CASK: variants seen among roughly 807,000 people sequenced by gnomAD.
CASK encodes the protein peripheral plasma membrane protein CASK.
In CASK, 4 loss-of-function variants were observed where a neutral mutation model predicts 82.9. The observed-to-expected ratio is 0.05, with a 90% CI of 0.02 to 0.11. The LOEUF (loss-of-function observed/expected upper bound fraction) is 0.11, where lower values mean the gene tolerates loss of function less well. CASK is among the 10% of genes least tolerant of loss of function. The probability of loss-of-function intolerance (pLI) is 1.00; values close to 1 mark genes in which losing one functional copy is unlikely to be tolerated. For missense variants in CASK, 358 were observed against 720.9 expected (o/e 0.50, Z 5.76); for synonymous variants, 259 against 253.5 (o/e 1.02, Z -0.20).
At chrX:41,604,843 C>T (rs1050543027) in intron 12 of CASK, among the ~76,000 whole-genome samples, 1 of 112,238 alleles carries the variant, frequency 8.9e-6, no homozygotes, top group Non-Finnish European at 1.9e-5. Context: ...ACTTGGATAG[C>T]AAATATTTAG....
At chrX:41,854,207 C>CGCGCGTGCGG (rs1569469323) in intron 1 of CASK, among the ~76,000 whole-genome samples, 5 of 96,912 alleles carry the variant, frequency 5.2e-5, no homozygotes, top group African/African-American at 1.9e-4. Flanking sequence ...GGAACATGCG[C>CGCGCGTGCGG]GCGCGCGCGG....
chrX:41,813,486 T>TTA (rs1569457149), intron 2 of CASK, among the ~76,000 whole-genome samples: 1 of 111,315 alleles, frequency 9.0e-6, no homozygotes, highest in Admixed American at 9.5e-5. Flanking sequence ...AAACAAGAAA[T>TTA]AGGGAAAGTA....
At chrX:41,704,041 T>G (rs1183018816) in intron 5 of CASK, among the ~76,000 whole-genome samples, 1 of 110,933 alleles carries the variant, frequency 9.0e-6, no homozygotes, top group Non-Finnish European at 1.9e-5. Context: ...TCCCCCTCCC[T>G]TTTCCCCTAA....
rs1277369100 is a variant in CASK, at chrX:41,846,293, G to C, written c.172+6822C>G. Among the ~76,000 whole-genome samples the C allele has an allele frequency of 2.7e-5, 3 of 111,155 alleles. No individual in the cohort carries two copies. In the Admixed American group the frequency reaches 2.9e-4, roughly 11 times the overall value. On this transcript the variant is annotated intron_variant, in intron 2 of 26. Coordinates refer to ENST00000378163, the MANE Select transcript of CASK (RefSeq NM_001367721.1). ...TGCAACAACATGGATAGGACTGGAG[G>C]TCATTATGTTAAATGAGATGAGCCA...
intron 15 of CASK, among the ~76,000 whole-genome samples, chrX:41,570,010 C>CTTTTTTTTTTTTTTTTTTTTT (rs397937722): frequency 2.8e-5 from 2 of 70,628 alleles, no homozygotes; most frequent in Non-Finnish European, 5.3e-5. Context: ...TTTCTTTTTT[C>CTTTTTTTTTTTTTTTTTTTTT]TTTTTTTTTT....
intron 1 of CASK, among the ~76,000 whole-genome samples, chrX:41,895,885 G>A (rs1337766652): frequency 9.0e-6 from 1 of 110,701 alleles, no homozygotes; most frequent in Non-Finnish European, 1.9e-5. Flanking sequence ...CAAGTGGTGG[G>A]GGGATGCTGA....
intron 4 of CASK, among the ~76,000 whole-genome samples, chrX:41,744,284 C>T (rs181068709): frequency 1.8e-5 from 2 of 110,554 alleles, no homozygotes; most frequent in Non-Finnish European, 3.8e-5. Context: ...AGCTGTGTTG[C>T]TCTAAATGTA....
Position 41,854,224 on chromosome X carries a change from G to GCACACACACACA in CASK, c.60-1009_60-998dup, listed in dbSNP as rs4007745. Among the ~76,000 whole-genome samples the GCACACACACACA allele has an allele frequency of 2.3e-3, 185 of 81,717 alleles. 1 individual carries two copies. The highest frequency in any genetic ancestry group is 6.3e-3 in the African/African-American group (137 of 21,741). The allele number at this position is 81,717 out of a possible 115,157, so 71.0% of individuals were successfully genotyped here. A position where few individuals can be genotyped will look rare whatever the true frequency, so the allele number is the denominator to read the frequency against. ...AACATGCGCGCGCGCGCGGGCGCGCGCACACACACACACACACACACACAC... is the reference window on the plus strand; with the variant it reads ...AACATGCGCGCGCGCGCGGGCGCGCGCACACACACACACACACACACACACACACACACACAC... On this transcript the variant is annotated intron_variant, in intron 1 of 26. Transcript: ENST00000378163.
chrX:41,908,802 G>A (rs1458780334), intron 1 of CASK, among the ~76,000 whole-genome samples: 1 of 112,111 alleles, frequency 8.9e-6, no homozygotes, highest in Non-Finnish European at 1.9e-5. Context: ...CAGCACGAAT[G>A]CTTTATCTTG....
intron 2 of CASK, among the ~76,000 whole-genome samples, chrX:41,811,538 A>G (rs2070285908): frequency 8.9e-6 from 1 of 112,519 alleles, no homozygotes; most frequent in Admixed American, 9.4e-5. Flanking sequence ...CTTTGAAACC[A>G]ATGAGAACAA....
chrX:41,604,302 T>C (rs1237667499), intron 12 of CASK, among the ~76,000 whole-genome samples: 6 of 101,311 alleles, frequency 5.9e-5, no homozygotes, highest in Non-Finnish European at 4.0e-5. Flanking sequence ...AGTGTCTTTA[T>C]AGATGTAATT....
chrX:41,587,379 G>A, intron 13 of CASK: 1 of 122,006 alleles, frequency 8.2e-6, no homozygotes. Flanking sequence ...TAACAGCACT[G>A]CCAATTCCCT....
intron 21 of CASK, among the ~76,000 whole-genome samples, chrX:41,543,467 A>G (rs1482157630): frequency 8.9e-6 from 1 of 112,129 alleles, no homozygotes; most frequent in African/African-American, 3.2e-5. Context: ...TGCTTAACAA[A>G]TGGCACTACT....
At chrX:41,755,051 G>T (rs1408804656) in intron 3 of CASK, among the ~76,000 whole-genome samples, 2 of 109,309 alleles carry the variant, frequency 1.8e-5, no homozygotes, top group East Asian at 5.8e-4. Flanking sequence ...GCTAATTTTT[G>T]TATTTTTAGT....
At chrX:41,546,642 A>AT (rs1381369037) in intron 21 of CASK, among the ~76,000 whole-genome samples, 1 of 105,144 alleles carries the variant, frequency 9.5e-6, no homozygotes, top group Non-Finnish European at 2.0e-5. Context: ...TAATTTTTGT[A>AT]TTTTTTTTTC....
At chrX:41,579,028 C>A (rs2065525650) in intron 14 of CASK, among the ~76,000 whole-genome samples, 1 of 111,856 alleles carries the variant, frequency 8.9e-6, no homozygotes, top group East Asian at 2.8e-4. Flanking sequence ...GTAGACGGTA[C>A]AATTTCAAGT....
At chrX:41,793,102 T>C (rs762677552) in intron 2 of CASK, among the ~76,000 whole-genome samples, 24 of 112,465 alleles carry the variant, frequency 2.1e-4, no homozygotes, top group Non-Finnish European at 4.3e-4. Context: ...ATCCATCATT[T>C]AATAACTAAA....
intron 21 of CASK, among the ~76,000 whole-genome samples, chrX:41,553,074 C>T (rs1235578298): frequency 8.9e-6 from 1 of 111,964 alleles, no homozygotes; most frequent in East Asian, 2.8e-4. Flanking sequence ...ACTAAGGAAA[C>T]GGTAACAATA....
Position 41,534,916 on chromosome X carries a change from T to C in CASK, c.2213A>G (p.Lys738Arg). Reference sequence around the variant, plus strand: ...ACCTAATAAGACTAGTGTTTTCCTCTTGAATGCTGGCAGTTTTACTACTTC... The same window carrying C: ...ACCTAATAAGACTAGTGTTTTCCTCCTGAATGCTGGCAGTTTTACTACTTC... The part of the protein sequence containing the change: ...YEEVVKLPAF[K>R]RKTLVLLGAH... The change falls in exon 23 of 27, where the codon AAG becomes AGG. Residue 738 changes from lysine to arginine, a missense_variant. By Grantham distance (26) the Lys-to-Arg change is conservative. Coordinates refer to ENST00000378163, the MANE Select transcript of CASK (RefSeq NM_001367721.1). The C allele has an allele frequency of 8.3e-7, 1 of 1,200,152 alleles. No homozygotes were observed. Among genetic ancestry groups the C allele is most frequent in the Non-Finnish European group, 1.1e-6 (1 of 885,130 alleles).
Sources: gnomAD v4.1 joint callset for allele counts (sites outside exome capture counted in the v4.1 genomes callset) on GRCh38, gnomAD v4.1.1 for gene constraint, MANE v1.5 for transcripts, NCBI Gene and HGNC (gene_info 2026-07-23, HGNC 2026-07-21) for gene names.